Variants in SLC9C2 observed in about 807,000 individuals in gnomAD.
SLC9C2 encodes solute carrier family 9 member C2 (putative).
Under a neutral mutation model 140.2 loss-of-function variants are expected in SLC9C2, and 75 were observed. The observed-to-expected ratio is 0.53, with a 90% CI of 0.44 to 0.65. The LOEUF (loss-of-function observed/expected upper bound fraction) is 0.65, where lower values mean the gene tolerates loss of function less well. SLC9C2 is among the 30% of genes least tolerant of loss of function. SLC9C2 has a pLI of 0.00. For missense variants in SLC9C2, 1,074 were observed against 1,331.8 expected, an observed-to-expected ratio of 0.81 and a Z score of 3.01; for synonymous variants, 375 against 420.9, an observed-to-expected ratio of 0.89 and a Z score of 1.34.
chr1:173,578,054 T>G lies in SLC9C2; in HGVS notation c.803-1294A>C, dbSNP rs76944282. Among the ~76,000 whole-genome samples, 1,276 of 152,340 alleles carry G rather than the reference T, an allele frequency of 8.4e-3. 17 individuals are homozygous for G. The highest frequency in any genetic ancestry group is 0.029 in the African/African-American group (1,224 of 41,570). Reference sequence around the variant, plus strand: ...AGTTACAGGCAACAAGGGGATGCATTGTTTGTAGACTTTTAAAACAATTAT... The same window carrying G: ...AGTTACAGGCAACAAGGGGATGCATGGTTTGTAGACTTTTAAAACAATTAT... On this transcript the variant is annotated intron_variant, in intron 7 of 27. Transcript: ENST00000367714.
intron 7 of SLC9C2, among the ~76,000 whole-genome samples, chr1:173,580,735 AG>A (rs1343997713): frequency 6.6e-6 from 1 of 152,240 alleles, no homozygotes; most frequent in Non-Finnish European, 1.5e-5. Flanking sequence ...AATAAATTGC[AG>A]AGCTGAGATT....
chr1:173,522,981 T>C (rs1221751376), intron 21 of SLC9C2, among the ~76,000 whole-genome samples: 1 of 152,212 alleles, frequency 6.6e-6, no homozygotes, highest in Non-Finnish European at 1.5e-5. Flanking sequence ...TCTCCCCTTA[T>C]TTTTCTCTAG....
chr1:173,581,779 C>T, intron 7 of SLC9C2, 68 bp downstream of exon 7: 1 of 1,320,734 alleles, frequency 7.6e-7, no homozygotes, highest in Non-Finnish European at 1.0e-6. Context: ...GATTCAAGAT[C>T]AGGAAAAAAT....
intron 21 of SLC9C2, among the ~76,000 whole-genome samples, chr1:173,523,594 C>A (rs1488291266): frequency 1.3e-5 from 2 of 152,134 alleles, no homozygotes; most frequent in African/African-American, 4.8e-5. Context: ...TACACTATGC[C>A]CAATTGGCTT....
chr1:173,501,144 G>A (rs1385448594), intron 27 of SLC9C2, 47 bp from the exon 28 acceptor site: 7 of 1,481,896 alleles, frequency 4.7e-6, no homozygotes, highest in Non-Finnish European at 6.3e-6. Flanking sequence ...AAACATTTCA[G>A]GAAAAACTTC....
intron 7 of SLC9C2, among the ~76,000 whole-genome samples, chr1:173,578,572 T>C (rs1665324655): frequency 6.6e-6 from 1 of 152,164 alleles, no homozygotes; most frequent in South Asian, 2.1e-4. Context: ...ACTGCCATAA[T>C]TGAATAGCAC....
intron 8 of SLC9C2, among the ~76,000 whole-genome samples, chr1:173,573,878 G>A (rs1664994262): frequency 6.6e-6 from 1 of 152,194 alleles, no homozygotes; most frequent in Non-Finnish European, 1.5e-5. Context: ...GTCCATGAAA[G>A]CATCTTAAGC....
chr1:173,586,367 C>T lies in SLC9C2; in HGVS notation c.523+1298G>A, dbSNP rs146530041. ...TGGAAAGGTTGGAGGTTTTTCACTC[C>T]ACTCATAAGGTAGTATATTTCCACT... On this transcript the variant is annotated intron_variant, in intron 5 of 27. Transcript: ENST00000367714. 1.6e-4 allele frequency among the ~76,000 whole-genome samples: 24 copies of T among 152,276 alleles called. No homozygotes were observed. The East Asian group carries it at 4.1e-3, about 26-fold the overall frequency.
chr1:173,599,138 A>C (rs181170683), intron 3 of SLC9C2, among the ~76,000 whole-genome samples: 1 of 148,334 alleles, frequency 6.7e-6, no homozygotes, highest in African/African-American at 2.6e-5. Context: ...TTTTTTTTTG[A>C]GACGGAGTCT....
chr1:173,504,915 G>A (rs1333552342), intron 26 of SLC9C2, among the ~76,000 whole-genome samples: 1 of 152,232 alleles, frequency 6.6e-6, no homozygotes, highest in Non-Finnish European at 1.5e-5. Context: ...CTGTGAAAGA[G>A]TCTGTTCCCT....
chr1:173,586,190 T>C (rs1031495296), intron 5 of SLC9C2, among the ~76,000 whole-genome samples: 7 of 151,472 alleles, frequency 4.6e-5, no homozygotes, highest in African/African-American at 1.7e-4. Flanking sequence ...CAGAAAAAAA[T>C]TGTACTTAAG....
At chr1:173,531,178 T>C (rs1294943076) in intron 17 of SLC9C2, among the ~76,000 whole-genome samples, 1 of 152,216 alleles carries the variant, frequency 6.6e-6, no homozygotes, top group Non-Finnish European at 1.5e-5. Flanking sequence ...AGATAATTTA[T>C]GTAAAGTGCT....
rs534806408 is a variant in SLC9C2, at chr1:173,572,276, A to G, written c.1046+906T>C. ...ATGATAAGATGGCTACTGATTTCAC[A>G]GCTGCATGGGAACAGCAGGTAGGCA... On this transcript the variant is annotated intron_variant, in intron 9 of 27. Coordinates refer to ENST00000367714, the MANE Select transcript of SLC9C2 (RefSeq NM_178527.4). 8.3e-4 allele frequency among the ~76,000 whole-genome samples: 126 copies of G among 152,338 alleles called. 1 individual carries two copies. The highest frequency in any genetic ancestry group is 3.0e-3 in the African/African-American group (123 of 41,578).
rs1415063048 is a variant in SLC9C2, at chr1:173,521,356, C to T, written c.2684G>A (p.Cys895Tyr). Reference protein sequence around the residue: ...LACFDSGDTICKGGEMPQGIY... With the variant: ...LACFDSGDTIYKGGEMPQGIY... ...TCCTTGTGGCATTTCACCTCCTTTA[C>T]AAATGGTATCTCCAGAGTCAAAACA... The change falls in exon 22 of 28, where the codon TGT (cysteine) becomes TAT (tyrosine). Residue 895 changes from cysteine to tyrosine, a missense_variant. Coordinates refer to ENST00000367714, the MANE Select transcript of SLC9C2 (RefSeq NM_178527.4). 1.3e-6 allele frequency: 2 copies of T among 1,550,258 alleles called. No individual in the cohort carries two copies. Among genetic ancestry groups the T allele is most frequent in the East Asian group, 2.4e-5 (1 of 41,046 alleles).
At chr1:173,520,170 G>A (rs376905997) in intron 22 of SLC9C2, among the ~76,000 whole-genome samples, 4 of 152,152 alleles carry the variant, frequency 2.6e-5, no homozygotes, top group Non-Finnish European at 5.9e-5. Context: ...GCAGGATCTC[G>A]GATTCTCATG....
Position 173,530,065 on chromosome 1 carries a change from G to A in SLC9C2, c.2164-11C>T, listed in dbSNP as rs1553250225. 5 of 1,568,520 alleles carry A rather than the reference G, an allele frequency of 3.2e-6. No homozygotes were observed. Among genetic ancestry groups the A allele is most frequent in the Middle Eastern group, 1.7e-4 (1 of 5,720 alleles). On this transcript the variant is annotated splice_polypyrimidine_tract_variant and intron_variant, in intron 17 of 27. Transcript: ENST00000367714. ...TATTGGTACTATTATCTGGAATAAT[G>A]AGAAGAAGAAAAAAAAACCTGTACA...
At chr1:173,599,680 T>G (rs1571648935) in intron 3 of SLC9C2, among the ~76,000 whole-genome samples, 1 of 152,074 alleles carries the variant, frequency 6.6e-6, no homozygotes, top group East Asian at 1.9e-4. Context: ...GTCGGCTCAC[T>G]GCAACCTCCA....
chr1:173,599,859 C>T (rs1176283510), intron 3 of SLC9C2, among the ~76,000 whole-genome samples: 2 of 152,204 alleles, frequency 1.3e-5, no homozygotes, highest in African/African-American at 4.8e-5. Flanking sequence ...CCACCTCAGC[C>T]TCGCAAAGTG....
At chr1:173,595,973 T>A (rs923252650) in intron 4 of SLC9C2, among the ~76,000 whole-genome samples, 6 of 152,178 alleles carry the variant, frequency 3.9e-5, no homozygotes, top group Admixed American at 3.9e-4. Context: ...CAACCAATGA[T>A]GTTCTCCAGA....
Sources: gnomAD v4.1 joint callset for allele counts (sites outside exome capture counted in the v4.1 genomes callset) on GRCh38, gnomAD v4.1.1 for gene constraint, MANE v1.5 for transcripts, NCBI Gene and HGNC (gene_info 2026-07-23, HGNC 2026-07-21) for gene names.